Variants in CSMD1 observed in about 807,000 individuals in gnomAD.
CSMD1 encodes CUB and sushi domain-containing protein 1.
CSMD1 carries 213 observed loss-of-function variants against 417.5 expected under a neutral mutation model. The observed-to-expected ratio is 0.51, with a 90% CI of 0.46 to 0.57. The LOEUF (loss-of-function observed/expected upper bound fraction) is 0.57. CSMD1 is among the 20% of genes least tolerant of loss of function. The pLI, the probability that CSMD1 is intolerant of heterozygous loss-of-function variation, is 0.00. For synonymous variants in CSMD1, 2,862 were observed against 1,736.8 expected, an observed-to-expected ratio of 1.65 and a Z score of -16.11; for missense variants, 6,923 against 4,529.7, an observed-to-expected ratio of 1.53 and a Z score of -15.17.
chr8:4,318,516 C>G (rs1799068433), intron 3 of CSMD1, among the ~76,000 whole-genome samples: 1 of 152,050 alleles, frequency 6.6e-6, no homozygotes, highest in Non-Finnish European at 1.5e-5. Flanking sequence ...GGCGAGAAAA[C>G]TTGAGTAAGT....
At chr8:3,546,231 T>A (rs887939123) in intron 10 of CSMD1, among the ~76,000 whole-genome samples, 12 of 151,902 alleles carry the variant, frequency 7.9e-5, no homozygotes, top group African/African-American at 2.9e-4. Context: ...ATGCAGATAG[T>A]GCCCTCAATG....
chr8:3,652,650 G>T (rs776865941), intron 7 of CSMD1, among the ~76,000 whole-genome samples: 1 of 152,094 alleles, frequency 6.6e-6, no homozygotes, highest in Admixed American at 6.5e-5. Flanking sequence ...ATCAGATCTC[G>T]TGAGACTTAT....
At chr8:4,255,860 C>G (rs984116113) in intron 3 of CSMD1, among the ~76,000 whole-genome samples, 8 of 152,340 alleles carry the variant, frequency 5.3e-5, no homozygotes, top group Admixed American at 2.0e-4. Context: ...ACTTCACAGA[C>G]TTTCCTTTCT....
intron 3 of CSMD1, among the ~76,000 whole-genome samples, chr8:4,395,634 T>A (rs1804150965): frequency 6.6e-6 from 1 of 151,956 alleles, no homozygotes. Context: ...ATACTAATAC[T>A]TCTATCTAAA....
chr8:4,615,643 T>TA (rs1801433755), intron 2 of CSMD1, among the ~76,000 whole-genome samples: 1 of 151,706 alleles, frequency 6.6e-6, no homozygotes, highest in Non-Finnish European at 1.5e-5. Flanking sequence ...AATAAATATA[T>TA]TTTTTTGTGA....
chr8:3,238,807 C>T (rs1463545411), intron 26 of CSMD1, among the ~76,000 whole-genome samples: 1 of 152,114 alleles, frequency 6.6e-6, no homozygotes, highest in Non-Finnish European at 1.5e-5. Flanking sequence ...TATTTATTTA[C>T]TTTAAGTGTT....
chr8:4,068,158 C>T (rs1799354631), intron 3 of CSMD1, among the ~76,000 whole-genome samples: 1 of 152,096 alleles, frequency 6.6e-6, no homozygotes, highest in African/African-American at 2.4e-5. Context: ...TATAGAGAGT[C>T]ATTTAGGGTT....
intron 14 of CSMD1, among the ~76,000 whole-genome samples, chr8:3,407,412 G>A (rs1281270045): frequency 6.8e-6 from 1 of 148,078 alleles, no homozygotes; most frequent in South Asian, 2.2e-4. Context: ...AGGATGAATG[G>A]ATGGAAGGAT....
At chr8:4,116,378 A>C (rs890037238) in intron 3 of CSMD1, among the ~76,000 whole-genome samples, 1 of 152,212 alleles carries the variant, frequency 6.6e-6, no homozygotes, top group African/African-American at 2.4e-5. Context: ...GTCCAAACCC[A>C]TGGAATATAC....
intron 5 of CSMD1, among the ~76,000 whole-genome samples, chr8:3,929,363 T>G (rs748230085): frequency 2.7e-5 from 4 of 150,630 alleles, no homozygotes; most frequent in Non-Finnish European, 4.4e-5. Context: ...TAGACATTAT[T>G]TGAAAAAGTT....
At chr8:4,885,839 T>C (rs1172600663) in intron 1 of CSMD1, among the ~76,000 whole-genome samples, 1 of 152,116 alleles carries the variant, frequency 6.6e-6, no homozygotes, top group Non-Finnish European at 1.5e-5. Flanking sequence ...TATTTGTTGC[T>C]TGTGTTTTTG....
intron 2 of CSMD1, among the ~76,000 whole-genome samples, chr8:4,522,436 T>G (rs1563253231): frequency 6.6e-6 from 1 of 152,134 alleles, no homozygotes; most frequent in Non-Finnish European, 1.5e-5. Flanking sequence ...ATTACAAATC[T>G]CACCCACAAT....
At chr8:3,072,428 T>G (rs1563864) in intron 49 of CSMD1, among the ~76,000 whole-genome samples, 93,553 of 152,064 alleles carry the variant, frequency 0.62, 29,031 homozygotes, top group Non-Finnish European at 0.63. Flanking sequence ...AAACCAGTCA[T>G]AGAATAAATC....
At chr8:3,534,552 A>G (rs1798113204) in intron 10 of CSMD1, among the ~76,000 whole-genome samples, 1 of 151,768 alleles carries the variant, frequency 6.6e-6, no homozygotes, top group Non-Finnish European at 1.5e-5. Context: ...CTTTTCAAAA[A>G]TTAGTGTACA....
chr8:4,955,134 C>T (rs373271115), intron 1 of CSMD1, among the ~76,000 whole-genome samples: 3 of 152,130 alleles, frequency 2.0e-5, no homozygotes, highest in African/African-American at 4.8e-5. Context: ...TTTGGCTGCA[C>T]CTCCAGTTCC....
chr8:4,096,534 G>C (rs1351886771), intron 3 of CSMD1, among the ~76,000 whole-genome samples: 1 of 151,798 alleles, frequency 6.6e-6, no homozygotes, highest in Non-Finnish European at 1.5e-5. Context: ...AACTGAGAAT[G>C]TTAAATCCTT....
At position 3,911,295 on chromosome 8, in the gene CSMD1, T is replaced by G. The variant is rs187777401; in HGVS notation, c.818+86608A>C. On this transcript the variant is annotated intron_variant, in intron 5 of 69. Coordinates refer to ENST00000635120, the MANE Select transcript of CSMD1 (RefSeq NM_033225.6). The stretch of plus-strand genomic sequence containing the variant: ...TGTTTAACTGAAGTCTCTATAATCA[T>G]AGATCCTTTTTTTTTTCCTTATTGA... Among the ~76,000 whole-genome samples, 349 of 151,974 alleles carry G rather than the reference T, an allele frequency of 2.3e-3. 1 individual carries two copies. The highest frequency in any genetic ancestry group is 8.0e-3 in the African/African-American group (332 of 41,340).
At chr8:4,828,923 T>G (rs1799978677) in intron 1 of CSMD1, among the ~76,000 whole-genome samples, 1 of 152,198 alleles carries the variant, frequency 6.6e-6, no homozygotes, top group South Asian at 2.1e-4. Context: ...TCATAAAGGT[T>G]AATTAACCAT....
chr8:4,647,445 C>T (rs973944501), intron 1 of CSMD1, among the ~76,000 whole-genome samples: 1 of 151,708 alleles, frequency 6.6e-6, no homozygotes, highest in African/African-American at 2.4e-5. Context: ...CGTAGGTATG[C>T]GTGTGCCACG....
Sources: gnomAD v4.1 joint callset for allele counts (sites outside exome capture counted in the v4.1 genomes callset) on GRCh38, gnomAD v4.1.1 for gene constraint, MANE v1.5 for transcripts, NCBI Gene and HGNC (gene_info 2026-07-23, HGNC 2026-07-21) for gene names.